MARCHF10: variants seen among roughly 807,000 people sequenced by gnomAD.
The protein encoded by MARCHF10 is probable E3 ubiquitin-protein ligase MARCHF10.
A neutral mutation model predicts 76.2 loss-of-function variants in MARCHF10; 64 were observed. That is an observed-to-expected ratio of 0.84 (90% CI 0.69 to 1.03). The LOEUF is 1.03. Ranked by LOEUF, MARCHF10 falls within the 50% of genes least tolerant of loss-of-function variation. The pLI, the probability that MARCHF10 is intolerant of heterozygous loss-of-function variation, is 0.00. For missense variants in MARCHF10, 875 were observed against 958.0 expected (o/e 0.91, Z 1.14); for synonymous variants, 340 against 357.5 (o/e 0.95, Z 0.55).
intron 5 of MARCHF10, 30 bp downstream of exon 5, chr17:62,744,346 G>A: frequency 2.5e-6 from 4 of 1,598,866 alleles, no homozygotes; most frequent in South Asian, 2.3e-5. Flanking sequence ...CCTCTCCAAG[G>A]ACAAAGGTTC....
In MARCHF10 at chr17:62,701,650, A is replaced by C. The variant is rs2089240453; in HGVS notation, c.*53T>G. The C allele has an allele frequency of 6.2e-7, 1 of 1,613,240 alleles. No individual in the cohort carries two copies. The highest frequency in any genetic ancestry group is 1.3e-5 in the African/African-American group (1 of 74,942). On this transcript the variant is annotated 3_prime_UTR_variant, in exon 11 of 11. Transcript: ENST00000311269. Reference sequence around the variant, plus strand: ...GGGAGGGAGGCACTTGGGGACGTAGAAAGAAGGGCTGGCGGGAGAGGTCTC... The same window carrying C: ...GGGAGGGAGGCACTTGGGGACGTAGCAAGAAGGGCTGGCGGGAGAGGTCTC...
intron 9 of MARCHF10, 32 bp from the exon 10 acceptor site, chr17:62,705,613 G>T: frequency 6.2e-7 from 1 of 1,612,970 alleles, no homozygotes; most frequent in Non-Finnish European, 8.5e-7. Context: ...GAAATGAATT[G>T]TTTTTTCCAA....
rs77711404 is a variant in MARCHF10 at position 62,776,362 on chromosome 17, T to C, written c.210+12118A>G. ...TGGTGCTTCTATCAACCCGGCCACA[T>C]GGCAGGATCACCCTCGTGCAAGGAC... On this transcript the variant is annotated intron_variant, in intron 3 of 10. Transcript: ENST00000311269. 8.6e-3 allele frequency among the ~76,000 whole-genome samples: 1,307 copies of C among 152,316 alleles called. 11 individuals are homozygous for C. The highest frequency in any genetic ancestry group is 0.013 in the Non-Finnish European group (853 of 68,024).
chr17:62,765,855 T>C (rs1052077843), intron 3 of MARCHF10, among the ~76,000 whole-genome samples: 21 of 152,076 alleles, frequency 1.4e-4, no homozygotes, highest in African/African-American at 4.6e-4. Context: ...GGGTTCTGTG[T>C]GGTGCGAGGA....
rs779969108 is a variant in MARCHF10, at chr17:62,759,952, CA to C, written c.264del (p.Ala89HisfsTer24). The C allele has an allele frequency of 3.3e-5, 53 of 1,613,880 alleles. No individual in the cohort carries two copies. Among genetic ancestry groups the C allele is most frequent in the Non-Finnish European group, 3.7e-5 (44 of 1,179,984 alleles). Reference sequence around the variant, plus strand: ...GGAAGTTTGGAGTCACACTTAAATGCAGATATCTTGATAGATGACCTTGGTT... The same window carrying C: ...GGAAGTTTGGAGTCACACTTAAATGCGATATCTTGATAGATGACCTTGGTT... The part of the protein sequence containing the change: ...LTEPRSSIKI[S>X]AFKCDSKLPA... On this transcript the variant is annotated frameshift_variant, in exon 4 of 11. Coordinates refer to ENST00000311269, the MANE Select transcript of MARCHF10 (RefSeq NM_152598.4). LOFTEE classifies it high-confidence loss of function.
chr17:62,788,657 T>G, intron 2 of MARCHF10, 58 bp from the exon 3 acceptor site: 5 of 1,607,870 alleles, frequency 3.1e-6, no homozygotes, highest in Non-Finnish European at 4.2e-6. Flanking sequence ...TTGGGTAACT[T>G]TATGCTTAAC....
intron 3 of MARCHF10, among the ~76,000 whole-genome samples, chr17:62,767,123 G>A (rs189470835): frequency 7.3e-4 from 111 of 152,306 alleles, no homozygotes; most frequent in African/African-American, 2.6e-3. Context: ...GTGTGGGCCA[G>A]ATTGTGGGGA....
intron 8 of MARCHF10, among the ~76,000 whole-genome samples, chr17:62,718,198 T>G (rs1387736064): frequency 6.6e-6 from 1 of 152,158 alleles, no homozygotes; most frequent in Non-Finnish European, 1.5e-5. Flanking sequence ...AGAACTGAGG[T>G]GCAGAGAATT....
chr17:62,793,680 TCAC>T (rs890264338), intron 2 of MARCHF10, among the ~76,000 whole-genome samples: 3 of 110,724 alleles, frequency 2.7e-5, no homozygotes, highest in Admixed American at 9.1e-5. Context: ...ACCACCTCCA[TCAC>T]CACCACCACA....
At chr17:62,710,597 C>T (rs1445884940) in intron 9 of MARCHF10, among the ~76,000 whole-genome samples, 2 of 123,502 alleles carry the variant, frequency 1.6e-5, no homozygotes, top group African/African-American at 3.2e-5. Flanking sequence ...CTCATTCTGT[C>T]ACCCAGGCTG....
intron 2 of MARCHF10, among the ~76,000 whole-genome samples, chr17:62,794,144 G>GTCACCACCACCACCACCTCCA (rs2092944827): frequency 5.0e-5 from 2 of 40,192 alleles, no homozygotes; most frequent in Non-Finnish European, 8.8e-5. Context: ...CACCAAAACA[G>GTCACCACCACCACCACCTCCA]TCACCACCAC....
chr17:62,725,184 CAG>C, intron 6 of MARCHF10, 80 bp from the exon 7 acceptor site: 1 of 1,370,178 alleles, frequency 7.3e-7, no homozygotes, highest in Non-Finnish European at 9.7e-7. Flanking sequence ...AGAGCATTGA[CAG>C]AGAAGGAAGA....
At position 62,736,608 on chromosome 17, in the gene MARCHF10, T is replaced by C. The variant is rs974876575; in HGVS notation, c.1260A>G (p.Val420=). The C allele has an allele frequency of 8.7e-6, 14 of 1,614,178 alleles. No individual in the cohort carries two copies. Among genetic ancestry groups the C allele is most frequent in the Non-Finnish European group, 9.3e-6 (11 of 1,180,026 alleles). ...RQEVGVNAEN[V]WSDCISVEHR... Reference sequence around the variant, plus strand: ...GTTCCACAGAAATACAATCACTCCATACATTTTCAGCATTGACACCAACCT... The same window carrying C: ...GTTCCACAGAAATACAATCACTCCACACATTTTCAGCATTGACACCAACCT... The change falls in exon 6 of 11, where the codon GTA becomes GTG. Residue 420 remains valine (V), a synonymous_variant. Coordinates refer to ENST00000311269, the MANE Select transcript of MARCHF10 (RefSeq NM_152598.4).
chr17:62,764,089 G>C (rs56206536), intron 3 of MARCHF10, among the ~76,000 whole-genome samples: 2,765 of 152,136 alleles, frequency 0.018, 101 homozygotes, highest in African/African-American at 0.063. Context: ...GTTGAGAAGG[G>C]GGATGAATCT....
chr17:62,705,219 C>T (rs1212666322), intron 10 of MARCHF10: 8 of 1,291,660 alleles, frequency 6.2e-6, no homozygotes, highest in South Asian at 1.7e-5. Flanking sequence ...CCCAAACTCT[C>T]CAAGTGCTGG....
chr17:62,713,412 A>G (rs2090030908), intron 8 of MARCHF10, among the ~76,000 whole-genome samples: 1 of 152,148 alleles, frequency 6.6e-6, no homozygotes, highest in Non-Finnish European at 1.5e-5. Flanking sequence ...AATATCCACT[A>G]ATGTTTTCTG....
rs1328317912 is a variant in MARCHF10 at position 62,736,561 on chromosome 17, G to A, written c.1307C>T (p.Ser436Phe). ...TAAATAGTCTTTCCAGTATCCTTCA[G>A]AATCATGGGTGCCAGGCCTATGTTC... ...SVEHRPGTHD[S>F]EGYWKDYLNS... The change falls in exon 6 of 11, where the codon TCT becomes TTT. Residue 436 changes from serine (S) to phenylalanine (F), a missense_variant. By Grantham distance (155) the Ser-to-Phe change is radical. Transcript: ENST00000311269. The A allele has an allele frequency of 1.2e-6, 2 of 1,614,052 alleles. No individual in the cohort carries two copies. The highest frequency in any genetic ancestry group is 1.7e-6 in the Non-Finnish European group (2 of 1,180,040).
intron 4 of MARCHF10, among the ~76,000 whole-genome samples, chr17:62,749,371 A>G (rs2091819336): frequency 6.6e-6 from 1 of 152,040 alleles, no homozygotes; most frequent in South Asian, 2.1e-4. Context: ...CAGTTCCGGA[A>G]CCCTTATCCC....
chr17:62,709,625 T>C (rs2147583897), intron 9 of MARCHF10, among the ~76,000 whole-genome samples: 1 of 152,384 alleles, frequency 6.6e-6, no homozygotes, highest in African/African-American at 2.4e-5. Flanking sequence ...GCTGACTTAG[T>C]GCCTCTCTTT....
Sources: gnomAD v4.1 joint callset for allele counts (sites outside exome capture counted in the v4.1 genomes callset) on GRCh38, gnomAD v4.1.1 for gene constraint, MANE v1.5 for transcripts, NCBI Gene and HGNC (gene_info 2026-07-23, HGNC 2026-07-21) for gene names.